Variants in LYSMD2 observed in about 807,000 individuals in gnomAD.
The protein encoded by LYSMD2 is lysM and putative peptidoglycan-binding domain-containing protein 2.
A neutral mutation model predicts 17.7 loss-of-function variants in LYSMD2; 6 were observed. The ratio of observed to expected loss-of-function variants is 0.34; its 90% confidence interval spans 0.19 to 0.67. The LOEUF is 0.67. LYSMD2 is among the 30% of genes least tolerant of loss of function. The pLI is 0.69. For synonymous variants in LYSMD2, 102 were observed against 129.8 expected, an observed-to-expected ratio of 0.79 and a Z score of 1.45; for missense variants, 237 against 286.7, an observed-to-expected ratio of 0.83 and a Z score of 1.25.
At chr15:51,744,632 T>C (rs2055658473) in intron 1 of LYSMD2, among the ~76,000 whole-genome samples, 1 of 152,140 alleles carries the variant, frequency 6.6e-6, no homozygotes, top group African/African-American at 2.4e-5. Flanking sequence ...TTTGTCTAGT[T>C]TTGATATTGG....
intron 1 of LYSMD2, among the ~76,000 whole-genome samples, chr15:51,735,659 G>C (rs941287784): frequency 2.0e-5 from 3 of 152,158 alleles, no homozygotes; most frequent in South Asian, 2.1e-4. Flanking sequence ...TTTAAAAAGG[G>C]GTAATGAGGT....
At position 51,737,489 on chromosome 15, in the gene LYSMD2, G is replaced by C. The variant is rs2055618719; in HGVS notation, c.134C>G (p.Ala45Gly). 2 of 1,366,674 alleles carry C rather than the reference G, an allele frequency of 1.5e-6. No homozygotes were observed. Among genetic ancestry groups the C allele is most frequent in the Non-Finnish European group, 9.4e-7 (1 of 1,060,024 alleles). The allele number at this position is 1,366,674 out of a possible 1,614,324, so 84.7% of individuals were successfully genotyped here. ...SEEAELSLSL[A>G]RTKTRSYGST... ...GCCGTACGAGCGGGTCTTGGTGCGG[G>C]CCAGGCTCAGCGACAGCTCGGCCTC... is the stretch of plus-strand genomic sequence containing the variant. Residue 45 changes from alanine to glycine, a missense_variant, in exon 1 of 3, where the codon GCC becomes GGC. By Grantham distance (60) the Ala-to-Gly change is moderately conservative. Transcript: ENST00000267838. This position sits in a 1 kb window ranked among gnomAD's most constrained non-coding sequence, Gnocchi z 4.2.
At chr15:51,747,181 CAGAGT>C (rs2055672470) in intron 1 of LYSMD2, among the ~76,000 whole-genome samples, 1 of 150,632 alleles carries the variant, frequency 6.6e-6, no homozygotes, top group Non-Finnish European at 1.5e-5. Context: ...GCCTGGGTAA[CAGAGT>C]AAGACTCTGT....
chr15:51,747,017 T>TAAAAAAAA (rs1050919768), intron 1 of LYSMD2, among the ~76,000 whole-genome samples: 9 of 65,772 alleles, frequency 1.4e-4, no homozygotes, highest in South Asian at 5.9e-4. Context: ...CTGTCTCTAC[T>TAAAAAAAA]AAAAAAAAAA....
rs2055582484 is a variant in LYSMD2, at chr15:51,732,420, GA to G, written c.273+4929del. On this transcript the variant is annotated intron_variant, in intron 1 of 2. Coordinates refer to ENST00000267838, the MANE Select transcript of LYSMD2 (RefSeq NM_153374.3). ...TAGAAACTACTAGAAAGCAGTAGCTGAAAAACTCACCATGAATAAAAAGAGA... is the reference window on the plus strand; with the variant it reads ...TAGAAACTACTAGAAAGCAGTAGCTGAAAACTCACCATGAATAAAAAGAGA... 2.0e-5 allele frequency among the ~76,000 whole-genome samples: 3 copies of G among 152,264 alleles called. No individual in the cohort carries two copies. In the South Asian group the frequency reaches 6.2e-4, roughly 31 times the overall value.
chr15:51,724,506 A>C (rs779763815), intron 2 of LYSMD2, among the ~76,000 whole-genome samples: 2 of 152,182 alleles, frequency 1.3e-5, no homozygotes, highest in Admixed American at 6.5e-5. Flanking sequence ...ACACTGCAAC[A>C]GATAAAGCCT....
intron 1 of LYSMD2, among the ~76,000 whole-genome samples, chr15:51,725,681 T>G (rs775472915): frequency 7.2e-5 from 11 of 151,920 alleles, no homozygotes; most frequent in Admixed American, 1.3e-4. Flanking sequence ...CCCACTCACA[T>G]CAAGGAAATA....
chr15:51,731,478 T>G (rs1880659932), intron 1 of LYSMD2, among the ~76,000 whole-genome samples: 1 of 152,218 alleles, frequency 6.6e-6, no homozygotes, highest in South Asian at 2.1e-4. Context: ...TTTCACCTTT[T>G]CTCAGCAAGG....
chr15:51,730,954 G>GA (rs35533100), intron 1 of LYSMD2, among the ~76,000 whole-genome samples: 1 of 152,138 alleles, frequency 6.6e-6, no homozygotes, highest in Non-Finnish European at 1.5e-5. Context: ...GTGTTCATGA[G>GA]AAAAAGGCTT....
intron 1 of LYSMD2, among the ~76,000 whole-genome samples, chr15:51,729,648 C>T (rs942087523): frequency 3.3e-5 from 5 of 152,122 alleles, no homozygotes; most frequent in East Asian, 1.9e-4. Context: ...TTAGTAGAGA[C>T]GGGCTTTCGC....
In LYSMD2 at chr15:51,737,581, G is replaced by GCCGCCTTCCCGCAGGGA; in HGVS notation, c.25_41dup (p.Arg16CysfsTer33). The GCCGCCTTCCCGCAGGGA allele has an allele frequency of 1.6e-6, 2 of 1,218,136 alleles. No homozygotes were observed. Among genetic ancestry groups the GCCGCCTTCCCGCAGGGA allele is most frequent in the Non-Finnish European group, 1.0e-6 (1 of 981,016 alleles). The allele number at this position is 1,218,136 out of a possible 1,614,324, so 75.5% of individuals were successfully genotyped here. A position where few individuals can be genotyped will look rare whatever the true frequency, so the allele number is the denominator to read the frequency against. On this transcript the variant is annotated frameshift_variant, in exon 1 of 3. Coordinates refer to ENST00000267838, the MANE Select transcript of LYSMD2 (RefSeq NM_153374.3). LOFTEE classifies it high-confidence loss of function. The surrounding 1 kb of genome is among the most constrained non-coding windows in gnomAD (Gnocchi z 4.2). ...GGGCCGAGGGCCGCGGCGCGCGGGG[G>GCCGCCTTCCCGCAGGGA]CCGCCTTCCCGCAGGGACAGTGCGG...
chr15:51,743,579 T>C (rs868667472), intron 1 of LYSMD2, among the ~76,000 whole-genome samples: 2 of 152,368 alleles, frequency 1.3e-5, no homozygotes, highest in African/African-American at 4.8e-5. Context: ...TTTGTTCTTC[T>C]TCAGTATTGC....
chr15:51,737,699 C>T (rs559891682), upstream of LYSMD2: 19 of 1,055,866 alleles, frequency 1.8e-5, no homozygotes, highest in African/African-American at 3.0e-4. This position sits in a 1 kb window ranked among gnomAD's most constrained non-coding sequence, Gnocchi z 4.2. Flanking sequence ...CCGCCGCCGC[C>T]TCTTCCTCTT....
intron 1 of LYSMD2, among the ~76,000 whole-genome samples, chr15:51,735,952 A>C (rs2055606273): frequency 6.6e-6 from 1 of 152,230 alleles, no homozygotes; most frequent in Admixed American, 6.5e-5. Context: ...ATGCTGAGAG[A>C]GCTCCTGATA....
chr15:51,729,615 T>C (rs756073983), intron 1 of LYSMD2, among the ~76,000 whole-genome samples: 4 of 152,180 alleles, frequency 2.6e-5, no homozygotes, highest in Non-Finnish European at 4.4e-5. Context: ...CATGCCACCA[T>C]GCCTGGCTAA....
At chr15:51,741,862 G>A (rs549656686), upstream of LYSMD2, among the ~76,000 whole-genome samples, 1 of 151,944 alleles carries the variant, frequency 6.6e-6, no homozygotes, top group East Asian at 1.9e-4. Context: ...GGAGGTTACA[G>A]TGACCCGAGA....
upstream of LYSMD2, among the ~76,000 whole-genome samples, chr15:51,742,079 G>A (rs886703065): frequency 4.0e-5 from 6 of 151,024 alleles, no homozygotes; most frequent in Admixed American, 3.3e-4. Context: ...CTGTCGCCCT[G>A]GCTGGAGTGC....
At chr15:51,725,271 C>A in intron 1 of LYSMD2, 150 bp from the exon 2 acceptor site, 1 of 533,988 alleles carries the variant, frequency 1.9e-6, no homozygotes, top group Non-Finnish European at 3.3e-6. Flanking sequence ...TTGGTAACCT[C>A]CCCAGATATC....
chr15:51,742,091 A>G (rs187665911), upstream of LYSMD2, among the ~76,000 whole-genome samples: 15 of 151,866 alleles, frequency 9.9e-5, no homozygotes, highest in East Asian at 2.7e-3. Flanking sequence ...CTGGAGTGCA[A>G]TGGCACAATC....
Sources: gnomAD v4.1 joint callset for allele counts (sites outside exome capture counted in the v4.1 genomes callset) on GRCh38, gnomAD v4.1.1 for gene constraint, Gnocchi (gnomAD v3.1) non-coding constraint, MANE v1.5 for transcripts, NCBI Gene and HGNC (gene_info 2026-07-23, HGNC 2026-07-21) for gene names.